Variants in PTPRC observed in about 807,000 individuals in gnomAD.
The protein encoded by PTPRC is protein tyrosine phosphatase receptor type C.
In PTPRC, 44 loss-of-function variants were observed where a neutral mutation model predicts 155.9. That is an observed-to-expected ratio of 0.28 (90% CI 0.22 to 0.36). The LOEUF (loss-of-function observed/expected upper bound fraction) is 0.36, where lower values mean the gene tolerates loss of function less well. Ranked by LOEUF, PTPRC falls within the 10% of genes least tolerant of loss-of-function variation. PTPRC has a pLI of 1.00. For missense variants in PTPRC, 1,401 were observed against 1,564.6 expected (o/e 0.90, Z 1.76); for synonymous variants, 525 against 533.1 (o/e 0.98, Z 0.21).
In PTPRC at chr1:198,716,860, G is replaced by A; in HGVS notation, c.1450+20G>A. ...GTGCTCGTAAGTTATATGTTTTAAT[G>A]CTTCTTTCCATAAATGGTAAAAAGC... On this transcript the variant is annotated intron_variant, in intron 13 of 32. Coordinates refer to ENST00000442510, the MANE Select transcript of PTPRC (RefSeq NM_002838.5). The A allele has an allele frequency of 1.2e-6, 2 of 1,610,494 alleles. No individual in the cohort carries two copies. Among genetic ancestry groups the A allele is most frequent in the Non-Finnish European group, 1.7e-6 (2 of 1,177,730 alleles).
In PTPRC at chr1:198,757,278, TTA is replaced by T. The variant is rs1491588962; in HGVS notation, c.*1100_*1101del. ...AATTCAACCATTATTTTTTTCTTGT[TTA>T]TAATACATTGTGTTATATGTTCAAA... On this transcript the variant is annotated 3_prime_UTR_variant, in exon 33 of 33. Transcript: ENST00000442510. 1.3e-5 allele frequency: 2 copies of T among 151,868 alleles called. No homozygotes were observed. Among genetic ancestry groups the T allele is most frequent in the African/African-American group, 4.8e-5 (2 of 41,402 alleles). 9.4% of individuals were successfully genotyped at this position (151,868 alleles called of 1,614,324 possible).
At chr1:198,660,534 G>A (rs1390313981) in intron 2 of PTPRC, 2 of 151,156 alleles carry the variant, frequency 1.3e-5, no homozygotes, top group African/African-American at 4.9e-5. Flanking sequence ...TGAAATAAAT[G>A]GTAGAACCAG....
rs116499613 is a variant in PTPRC at position 198,670,860 on chromosome 1, C to T, written c.74-21487C>T. Among the ~76,000 whole-genome samples, 800 of 151,920 alleles carry T rather than the reference C, an allele frequency of 5.3e-3. 2 individuals carry two copies. Among genetic ancestry groups the T allele is most frequent in the Non-Finnish European group, 9.2e-3 (627 of 67,948 alleles). On this transcript the variant is annotated intron_variant, in intron 2 of 32. Coordinates refer to ENST00000442510, the MANE Select transcript of PTPRC (RefSeq NM_002838.5). ...GATTGAAAATATTAGGAAAAAATGA[C>T]GAAATACAACAATACATCATAAAAA...
chr1:198,640,864 GAA>G (rs1256352487), intron 2 of PTPRC, among the ~76,000 whole-genome samples: 1 of 151,836 alleles, frequency 6.6e-6, no homozygotes, highest in African/African-American at 2.4e-5. Context: ...CCAACCTCCT[GAA>G]TAGACCAAAT....
intron 6 of PTPRC, 21 bp from the exon 7 acceptor site, chr1:198,703,277 C>A: frequency 6.2e-7 from 1 of 1,612,092 alleles, no homozygotes; most frequent in Non-Finnish European, 8.5e-7. Flanking sequence ...AGCTTTTATT[C>A]TTCTATTCAT....
chr1:198,742,107 C>A, intron 24 of PTPRC, 81 bp downstream of exon 24: 1 of 1,601,512 alleles, frequency 6.2e-7, no homozygotes. Flanking sequence ...TTAGAGACAT[C>A]TTTCCCTTTG....
chr1:198,698,764 C>T (rs1259733005), intron 4 of PTPRC, among the ~76,000 whole-genome samples: 1 of 151,186 alleles, frequency 6.6e-6, no homozygotes, highest in Non-Finnish European at 1.5e-5. Flanking sequence ...TATTTTAATC[C>T]TATGTATACA....
intron 32 of PTPRC, 144 bp from the exon 33 acceptor site, chr1:198,755,762 T>C (rs1655616070): frequency 3.3e-6 from 3 of 900,344 alleles, no homozygotes; most frequent in Admixed American, 2.3e-5. Flanking sequence ...TATTTAGATG[T>C]TTTTATGAGA....
intron 2 of PTPRC, among the ~76,000 whole-genome samples, chr1:198,663,601 G>A (rs781711483): frequency 6.6e-6 from 1 of 152,142 alleles, no homozygotes; most frequent in Admixed American, 6.5e-5. Flanking sequence ...TGACCTAGTG[G>A]CCTTGATATA....
In PTPRC at chr1:198,671,019, A is replaced by C. The variant is rs185859413; in HGVS notation, c.74-21328A>C. ...ACTTAGGTGATGTACAAAAACTTTA[A>C]TCATTTCATAGTGTATACATATATC... On this transcript the variant is annotated intron_variant, in intron 2 of 32. Coordinates refer to ENST00000442510, the MANE Select transcript of PTPRC (RefSeq NM_002838.5). Among the ~76,000 whole-genome samples, 314 of 152,300 alleles carry C rather than the reference A, an allele frequency of 2.1e-3. 1 individual carries two copies. The highest frequency in any genetic ancestry group is 0.01 in the Middle Eastern group (3 of 294).
At chr1:198,669,875 C>G (rs1664544876) in intron 2 of PTPRC, among the ~76,000 whole-genome samples, 1 of 152,066 alleles carries the variant, frequency 6.6e-6, no homozygotes, top group Non-Finnish European at 1.5e-5. Context: ...TCTTATTACT[C>G]TCATCATTAT....
chr1:198,713,781 T>G (rs1653429703), intron 12 of PTPRC, among the ~76,000 whole-genome samples: 1 of 152,210 alleles, frequency 6.6e-6, no homozygotes, highest in Admixed American at 6.5e-5. Context: ...CTTTCTCTAT[T>G]CTTTTATCCA....
At chr1:198,663,346 C>T (rs1033074863) in intron 2 of PTPRC, among the ~76,000 whole-genome samples, 4 of 152,130 alleles carry the variant, frequency 2.6e-5, no homozygotes, top group Non-Finnish European at 2.9e-5. Flanking sequence ...AAATAGAATT[C>T]TCAGGAGCAC....
intron 2 of PTPRC, among the ~76,000 whole-genome samples, chr1:198,646,961 T>C (rs886107441): frequency 1.3e-5 from 2 of 151,914 alleles, no homozygotes; most frequent in East Asian, 1.9e-4. Flanking sequence ...ACATATGTAA[T>C]TGAATCTCTT....
chr1:198,678,186 ATAAAC>A (rs1283928166), intron 2 of PTPRC, among the ~76,000 whole-genome samples: 4 of 152,208 alleles, frequency 2.6e-5, no homozygotes, highest in Non-Finnish European at 4.4e-5. Context: ...TTGTTCTTCT[ATAAAC>A]TAACTACTGT....
intron 2 of PTPRC, among the ~76,000 whole-genome samples, chr1:198,644,249 C>G (rs986716680): frequency 6.6e-6 from 1 of 151,772 alleles, no homozygotes; most frequent in African/African-American, 2.4e-5. Flanking sequence ...TTTGTAAGTA[C>G]TAGATACTCA....
intron 2 of PTPRC, among the ~76,000 whole-genome samples, chr1:198,668,597 A>AT (rs1350380266): frequency 6.6e-6 from 1 of 152,246 alleles, no homozygotes; most frequent in Non-Finnish European, 1.5e-5. Context: ...GAGAACTTAC[A>AT]TAAACACCCT....
intron 2 of PTPRC, among the ~76,000 whole-genome samples, chr1:198,671,773 G>A (rs577603561): frequency 1.3e-5 from 2 of 152,132 alleles, no homozygotes; most frequent in African/African-American, 4.8e-5. Flanking sequence ...ACTTGCCTGA[G>A]CCAATATAAC....
chr1:198,693,038 C>T, intron 3 of PTPRC: 1 of 971,926 alleles, frequency 1.0e-6, no homozygotes, highest in Non-Finnish European at 1.2e-6. Flanking sequence ...ATGTATTTTC[C>T]TGCATAATCA....
Sources: allele counts gnomAD v4.1 joint callset (sites outside exome capture counted in the v4.1 genomes callset), GRCh38; gene constraint gnomAD v4.1.1; transcripts MANE v1.5; gene names NCBI Gene and HGNC (gene_info 2026-07-23, HGNC 2026-07-21).